Variants in CACNA1E observed in about 807,000 individuals in gnomAD.
The protein encoded by CACNA1E is calcium voltage-gated channel subunit alpha1 E.
CACNA1E carries 40 observed loss-of-function variants against 259.2 expected under a neutral mutation model. The observed-to-expected ratio is 0.15, with a 90% CI of 0.12 to 0.20. CACNA1E has a LOEUF of 0.20. CACNA1E is among the 10% of genes least tolerant of loss of function. CACNA1E has a pLI of 1.00. For missense variants in CACNA1E, 1,874 were observed against 3,040.1 expected, an observed-to-expected ratio of 0.62 and a Z score of 9.02; for synonymous variants, 1,104 against 1,138.5, an observed-to-expected ratio of 0.97 and a Z score of 0.61.
rs768014605 is a variant in CACNA1E, at chr1:181,580,761, C to A, written c.936C>A (p.Thr312=). ...VFQCITMEGW[T]TVLYNTNDAL... ...AGTGCATCACCATGGAAGGGTGGAC[C>A]ACTGTGCTGTACAATGTGAGTAGAG... Residue 312 remains threonine (T), a synonymous_variant, in exon 6 of 48, where the codon ACC becomes ACA. Transcript: ENST00000367573. 1 of 1,613,916 alleles carries A rather than the reference C, an allele frequency of 6.2e-7. No individual in the cohort carries two copies. Among genetic ancestry groups the A allele is most frequent in the African/African-American group, 1.3e-5 (1 of 75,036 alleles).
At chr1:181,361,668 G>A (rs1017992557) in intron 1 of CACNA1E, among the ~76,000 whole-genome samples, 4 of 152,124 alleles carry the variant, frequency 2.6e-5, no homozygotes, top group African/African-American at 9.7e-5. Flanking sequence ...CCTCCTACAG[G>A]TGTCTGCCTT....
At chr1:181,683,737 A>G (rs1485672576) in intron 7 of CACNA1E, among the ~76,000 whole-genome samples, 1 of 152,144 alleles carries the variant, frequency 6.6e-6, no homozygotes, top group African/African-American at 2.4e-5. Context: ...ATGTCCTCCA[A>G]CTGCAACATG....
At chr1:181,326,115 T>C (rs1294210970) in intron 1 of CACNA1E, among the ~76,000 whole-genome samples, 1 of 152,228 alleles carries the variant, frequency 6.6e-6, no homozygotes, top group African/African-American at 2.4e-5. Flanking sequence ...TTCCGATTTT[T>C]TCATATGCTA....
At chr1:181,549,421 T>C (rs1297608679) in intron 3 of CACNA1E, among the ~76,000 whole-genome samples, 1 of 152,212 alleles carries the variant, frequency 6.6e-6, no homozygotes, top group Admixed American at 6.5e-5. Flanking sequence ...TGTTTCTGAA[T>C]AGTTTCCCTT....
chr1:181,796,602 G>T, intron 46 of CACNA1E, 66 bp from the exon 47 acceptor site: 1 of 1,212,340 alleles, frequency 8.2e-7, no homozygotes, highest in Non-Finnish European at 1.1e-6. Flanking sequence ...TTGGAGAGAA[G>T]TCCCTTCATC....
intron 35 of CACNA1E, among the ~76,000 whole-genome samples, chr1:181,769,412 C>CTT (rs1659301562): frequency 6.8e-6 from 1 of 146,854 alleles, no homozygotes; most frequent in Non-Finnish European, 1.5e-5. Context: ...GTGTTTTTGA[C>CTT]TTAAATTATG....
chr1:181,758,754 G>T lies in CACNA1E; in HGVS notation c.4495-4G>T. The stretch of plus-strand genomic sequence containing the variant: ...CTTTCTCTCTTCTTTTTTCTTCCTG[G>T]CAGTATTATTCTGCTCCCTGTACCT... On this transcript the variant is annotated splice_region_variant and splice_polypyrimidine_tract_variant and intron_variant, in intron 31 of 47. Coordinates refer to ENST00000367573, the MANE Select transcript of CACNA1E (RefSeq NM_001205293.3). The surrounding 1 kb of genome is among the most constrained non-coding windows in gnomAD (Gnocchi z 4.2). 1 of 1,473,842 alleles carries T rather than the reference G, an allele frequency of 6.8e-7. No homozygotes were observed. Among genetic ancestry groups the T allele is most frequent in the Non-Finnish European group, 9.4e-7 (1 of 1,059,066 alleles). 91.3% of individuals were successfully genotyped at this position (1,473,842 alleles called of 1,614,324 possible). A position where few individuals can be genotyped will look rare whatever the true frequency, so the allele number is the denominator to read the frequency against.
rs1405674948 is a variant in CACNA1E, at chr1:181,720,189, T to G, written c.1752-17T>G. 1.2e-6 allele frequency: 2 copies of G among 1,613,778 alleles called. No individual in the cohort carries two copies. The highest frequency in any genetic ancestry group is 1.1e-5 in the South Asian group (1 of 91,052). Reference sequence around the variant, plus strand: ...GTATGCAGTGTTCACAGCTGTCACATTGTCTGGGTTTTGTAGGTATTGGGC... The same window carrying G: ...GTATGCAGTGTTCACAGCTGTCACAGTGTCTGGGTTTTGTAGGTATTGGGC... On this transcript the variant is annotated splice_polypyrimidine_tract_variant and intron_variant, in intron 13 of 47. Coordinates refer to ENST00000367573, the MANE Select transcript of CACNA1E (RefSeq NM_001205293.3).
chr1:181,589,497 A>G (rs1572301613), intron 6 of CACNA1E, among the ~76,000 whole-genome samples: 1 of 152,140 alleles, frequency 6.6e-6, no homozygotes, highest in South Asian at 2.1e-4. Flanking sequence ...AAATATAGCG[A>G]ATAATTGGGA....
intron 2 of CACNA1E, among the ~76,000 whole-genome samples, chr1:181,441,044 G>A (rs1418369430): frequency 7.1e-6 from 1 of 141,372 alleles, no homozygotes; most frequent in Non-Finnish European, 1.5e-5. Flanking sequence ...CCAAAGTCTG[G>A]AAAAGCAGGC....
rs558606805 is a variant in CACNA1E at position 181,558,244 on chromosome 1, G to A, written c.513-19522G>A. ...TCATATAGATGCTGGGATGAGCTTC[G>A]CCCAGGAACACTGTGTTCCTGGAGT... On this transcript the variant is annotated intron_variant, in intron 3 of 47. Coordinates refer to ENST00000367573, the MANE Select transcript of CACNA1E (RefSeq NM_001205293.3). Among the ~76,000 whole-genome samples, 77 of 152,248 alleles carry A rather than the reference G, an allele frequency of 5.1e-4. 1 individual carries two copies. In the South Asian group the frequency reaches 0.013, roughly 25 times the overall value.
chr1:181,582,282 T>A (rs1651618314), intron 6 of CACNA1E, among the ~76,000 whole-genome samples: 1 of 152,206 alleles, frequency 6.6e-6, no homozygotes, highest in African/African-American at 2.4e-5. Flanking sequence ...ACTCTGCAGT[T>A]CTCACCAGCT....
In CACNA1E at chr1:181,367,911, A is replaced by G. The variant is rs371269224; in HGVS notation, c.-14-45222A>G. Among the ~76,000 whole-genome samples the G allele has an allele frequency of 2.6e-5, 4 of 152,288 alleles. No homozygotes were observed. In the East Asian group the frequency reaches 5.8e-4, roughly 22 times the overall value. The stretch of plus-strand genomic sequence containing the variant: ...CAGAATAACTTTAACAATGCTTTTG[A>G]TAGATTGTCTTGTGAAGTAGTTGAC... On this transcript the variant is annotated intron_variant, in intron 1 of 11. Transcript: ENST00000524607.
Position 181,577,829 on chromosome 1 carries a change from G to A in CACNA1E, c.576G>A (p.Val192=), listed in dbSNP as rs1195887677. 2 of 1,611,950 alleles carry A rather than the reference G, an allele frequency of 1.2e-6. No individual in the cohort carries two copies. Among genetic ancestry groups the A allele is most frequent in the East Asian group, 2.2e-5 (1 of 44,814 alleles). Residue 192 remains valine (V), a synonymous_variant, in exon 4 of 48, where the codon GTG becomes GTA. Coordinates refer to ENST00000367573, the MANE Select transcript of CACNA1E (RefSeq NM_001205293.3). ...THVDLRTLRA[V]RVLRPLKLVS... ...TGGACCTGAGGACCCTCCGGGCTGTGCGTGTCCTGCGGCCTTTGAAGCTCG... is the reference window on the plus strand; with the variant it reads ...TGGACCTGAGGACCCTCCGGGCTGTACGTGTCCTGCGGCCTTTGAAGCTCG...
chr1:181,529,573 C>A (rs1006248388), intron 3 of CACNA1E, among the ~76,000 whole-genome samples: 2 of 152,224 alleles, frequency 1.3e-5, no homozygotes, highest in Admixed American at 6.5e-5. Flanking sequence ...AGGAGGAAGG[C>A]TGTACTTCAC....
At chr1:181,326,271 A>T (rs967906914) in intron 1 of CACNA1E, among the ~76,000 whole-genome samples, 1 of 152,214 alleles carries the variant, frequency 6.6e-6, no homozygotes, top group Non-Finnish European at 1.5e-5. Flanking sequence ...GTTTGAATCC[A>T]GTCTTGACTT....
At chr1:181,431,018 A>T (rs140383867) in intron 2 of CACNA1E, among the ~76,000 whole-genome samples, 193 of 152,334 alleles carry the variant, frequency 1.3e-3, no homozygotes, top group African/African-American at 4.3e-3. Flanking sequence ...ATTTTCCTAT[A>T]ACTTATTTTA....
At position 181,802,106 on chromosome 1, in the gene CACNA1E, T is replaced by C. The variant is rs1662319208; in HGVS notation, c.*3272T>C. The C allele has an allele frequency of 6.6e-6, 1 of 152,210 alleles. No homozygotes were observed. The highest frequency in any genetic ancestry group is 2.1e-4 in the South Asian group (1 of 4,828). 9.4% of individuals were successfully genotyped at this position (152,210 alleles called of 1,614,324 possible). A position where few individuals can be genotyped will look rare whatever the true frequency, so the allele number is the denominator to read the frequency against. On this transcript the variant is annotated 3_prime_UTR_variant, in exon 48 of 48. Transcript: ENST00000367573. Reference sequence around the variant, plus strand: ...GACAGGGGCAGGGCTCCAGCCAAGGTGCCCCTGAGCCAGGGTCAACATAGA... The same window carrying C: ...GACAGGGGCAGGGCTCCAGCCAAGGCGCCCCTGAGCCAGGGTCAACATAGA...
rs189501514 is a variant in CACNA1E at position 181,666,255 on chromosome 1, C to T, written c.1055+14814C>T. ...TTATAATGGGATCCCATTGCCTAAACGATAGAATCACTTATGTATTCACTT... is the reference window on the plus strand; with the variant it reads ...TTATAATGGGATCCCATTGCCTAAATGATAGAATCACTTATGTATTCACTT... On this transcript the variant is annotated intron_variant, in intron 7 of 47. Coordinates refer to ENST00000367573, the MANE Select transcript of CACNA1E (RefSeq NM_001205293.3). Among the ~76,000 whole-genome samples, 9 of 152,176 alleles carry T rather than the reference C, an allele frequency of 5.9e-5. No homozygotes were observed. In the East Asian group the frequency reaches 1.2e-3, roughly 20 times the overall value.
Sources: gnomAD v4.1 joint callset for allele counts (sites outside exome capture counted in the v4.1 genomes callset) on GRCh38, gnomAD v4.1.1 for gene constraint, Gnocchi (gnomAD v3.1) non-coding constraint, MANE v1.5 for transcripts, NCBI Gene and HGNC (gene_info 2026-07-23, HGNC 2026-07-21) for gene names.